The following PSPC1 variants were observed in gnomAD, a reference collection of about 807,000 sequenced individuals.
PSPC1 encodes paraspeckle protein 1.
Under a neutral mutation model 51.6 loss-of-function variants are expected in PSPC1, and 14 were observed. The observed-to-expected ratio is 0.27, with a 90% CI of 0.18 to 0.42. The LOEUF is 0.42. Ranked by LOEUF, PSPC1 falls within the 10% of genes least tolerant of loss-of-function variation. The pLI, the probability that PSPC1 is intolerant of heterozygous loss-of-function variation, is 1.00. For synonymous variants in PSPC1, 193 were observed against 231.9 expected (o/e 0.83, Z 1.53); for missense variants, 406 against 701.1 (o/e 0.58, Z 4.75).
At chr13:19,690,344 C>G (rs1165421367) in intron 6 of PSPC1, among the ~76,000 whole-genome samples, 1 of 152,198 alleles carries the variant, frequency 6.6e-6, no homozygotes, top group African/African-American at 2.4e-5. Context: ...ACAATGAGTT[C>G]TAGTTGCTAC....
chr13:19,672,306 A>C (rs1390709062), downstream of PSPC1: 1 of 165,300 alleles, frequency 6.0e-6, no homozygotes, highest in African/African-American at 2.4e-5. Flanking sequence ...CATGGCACCC[A>C]GCTAATTTTG....
intron 1 of PSPC1, 113 bp from the exon 2 acceptor site, chr13:19,772,656 A>G (rs948338536): frequency 2.9e-5 from 28 of 952,964 alleles, no homozygotes; most frequent in African/African-American, 2.5e-4. Context: ...GACAGGGTCA[A>G]TTTGATTTTG....
intron 5 of PSPC1, among the ~76,000 whole-genome samples, chr13:19,733,045 A>G (rs1334849162): frequency 6.6e-6 from 1 of 152,246 alleles, no homozygotes; most frequent in Non-Finnish European, 1.5e-5. Context: ...CTTCTACCAC[A>G]TAATTTTAAA....
chr13:19,782,365 G>C lies in PSPC1; in HGVS notation c.372+21C>G, dbSNP rs374593503. On this transcript the variant is annotated intron_variant, in intron 1 of 8. Transcript: ENST00000338910. This position sits in a 1 kb window ranked among gnomAD's most constrained non-coding sequence, Gnocchi z 4.5. The stretch of plus-strand genomic sequence containing the variant: ...ACCCCGACAGTCCTTTTGTTCCCTC[G>C]CGCGGGCGCCTGACACTCACCAAGC... The C allele has an allele frequency of 3.8e-6, 6 of 1,558,738 alleles. No individual in the cohort carries two copies. The highest frequency in any genetic ancestry group is 1.4e-5 in the African/African-American group (1 of 71,410).
intron 6 of PSPC1, among the ~76,000 whole-genome samples, chr13:19,721,858 A>G (rs945907720): frequency 2.0e-5 from 3 of 152,250 alleles, no homozygotes; most frequent in African/African-American, 7.2e-5. Flanking sequence ...AATACTCTTC[A>G]TTACTTAATC....
At chr13:19,697,428 T>G (rs984603924) in intron 6 of PSPC1, among the ~76,000 whole-genome samples, 1 of 152,210 alleles carries the variant, frequency 6.6e-6, no homozygotes, top group African/African-American at 2.4e-5. Flanking sequence ...CAATACACAG[T>G]AGGTCCCCTT....
intron 2 of PSPC1, among the ~76,000 whole-genome samples, chr13:19,771,235 T>C (rs1888593694): frequency 6.6e-6 from 1 of 152,084 alleles, no homozygotes; most frequent in Non-Finnish European, 1.5e-5. Context: ...CCCCCCGGGT[T>C]CAACCGATTC....
intron 6 of PSPC1, among the ~76,000 whole-genome samples, chr13:19,682,906 A>AGG (rs1877438494): frequency 2.0e-5 from 3 of 151,866 alleles, no homozygotes; most frequent in Non-Finnish European, 4.4e-5. Context: ...TCTCACTAAA[A>AGG]AAAAAAAATA....
At chr13:19,710,916 C>A (rs1381297402) in intron 6 of PSPC1, among the ~76,000 whole-genome samples, 1 of 151,956 alleles carries the variant, frequency 6.6e-6, no homozygotes, top group Non-Finnish European at 1.5e-5. Flanking sequence ...TAGCTCACTG[C>A]AGCCTCGAAC....
downstream of PSPC1, among the ~76,000 whole-genome samples, chr13:19,701,545 A>G (rs1336030141): frequency 6.6e-6 from 1 of 152,200 alleles, no homozygotes; most frequent in African/African-American, 2.4e-5. Flanking sequence ...AATACCACAA[A>G]TTTTGGAAAA....
chr13:19,695,278 T>C (rs574795111), intron 6 of PSPC1, among the ~76,000 whole-genome samples: 3 of 152,208 alleles, frequency 2.0e-5, no homozygotes, highest in Non-Finnish European at 4.4e-5. Flanking sequence ...TAGACTTTAG[T>C]TGACTTTAAG....
At chr13:19,715,755 C>T (rs1327745099) in intron 6 of PSPC1, among the ~76,000 whole-genome samples, 1 of 151,964 alleles carries the variant, frequency 6.6e-6, no homozygotes, top group East Asian at 1.9e-4. Context: ...TGGACAGACA[C>T]ATAATCCCAG....
intron 2 of PSPC1, among the ~76,000 whole-genome samples, chr13:19,765,344 A>T (rs9551999): frequency 0.26 from 37,046 of 140,530 alleles, 5,264 homozygotes; most frequent in African/African-American, 0.37. Context: ...TAATAATAAT[A>T]ATTATTATTA....
intron 2 of PSPC1, among the ~76,000 whole-genome samples, chr13:19,760,117 G>C (rs901066811): frequency 6.6e-6 from 1 of 152,214 alleles, no homozygotes; most frequent in East Asian, 1.9e-4. Context: ...TTTTTCTCAA[G>C]TGAGACATTT....
chr13:19,780,928 G>A (rs899258663), intron 1 of PSPC1, among the ~76,000 whole-genome samples: 7 of 152,078 alleles, frequency 4.6e-5, no homozygotes, highest in Non-Finnish European at 7.4e-5. Context: ...AGGCCAAGGC[G>A]GGAGGATCGT....
At chr13:19,671,974 G>A (rs1876155923), downstream of PSPC1, 2 of 1,266,232 alleles carry the variant, frequency 1.6e-6, no homozygotes, top group South Asian at 1.2e-5. Context: ...GTAAAGTTTT[G>A]TCTGTAAACC....
intron 6 of PSPC1, among the ~76,000 whole-genome samples, chr13:19,694,955 C>T (rs1264711063): frequency 1.3e-5 from 2 of 152,218 alleles, no homozygotes; most frequent in Non-Finnish European, 2.9e-5. Flanking sequence ...CTCTATTACA[C>T]AAATGCTATC....
At chr13:19,727,594 C>T (rs1883507955) in intron 6 of PSPC1, among the ~76,000 whole-genome samples, 1 of 152,160 alleles carries the variant, frequency 6.6e-6, no homozygotes, top group Non-Finnish European at 1.5e-5. Flanking sequence ...CAAGAAACTG[C>T]ATCAACCAAA....
chr13:19,735,757 AAT>A (rs1266409136), intron 5 of PSPC1, among the ~76,000 whole-genome samples: 23 of 152,232 alleles, frequency 1.5e-4, no homozygotes, highest in South Asian at 4.1e-4. Context: ...CCATCTTGCA[AAT>A]ATATATGAGT....
Sources: gnomAD v4.1 joint callset for allele counts (sites outside exome capture counted in the v4.1 genomes callset) on GRCh38, gnomAD v4.1.1 for gene constraint, Gnocchi (gnomAD v3.1) non-coding constraint, MANE v1.5 for transcripts, NCBI Gene and HGNC (gene_info 2026-07-23, HGNC 2026-07-21) for gene names.